BRINP3: variants seen among roughly 807,000 people sequenced by gnomAD.
BRINP3 encodes BMP/retinoic acid inducible neural specific 3.
A neutral mutation model predicts 71.0 loss-of-function variants in BRINP3; 19 were observed. That is an observed-to-expected ratio of 0.27 (90% CI 0.19 to 0.39). The LOEUF (loss-of-function observed/expected upper bound fraction) is 0.39, where lower values mean the gene tolerates loss of function less well. BRINP3 is among the 10% of genes least tolerant of loss of function. BRINP3 has a pLI of 1.00. For missense variants in BRINP3, 959 were observed against 940.8 expected, an observed-to-expected ratio of 1.02 and a Z score of -0.25; for synonymous variants, 380 against 337.7, an observed-to-expected ratio of 1.13 and a Z score of -1.37.
chr1:190,219,499 C>T (rs1247714654), intron 6 of BRINP3, among the ~76,000 whole-genome samples: 1 of 151,878 alleles, frequency 6.6e-6, no homozygotes, highest in Non-Finnish European at 1.5e-5. Context: ...GTAGAATGGA[C>T]CAAGCAGAGA....
chr1:190,228,058 A>G (rs1213646427), intron 5 of BRINP3, among the ~76,000 whole-genome samples: 1 of 151,976 alleles, frequency 6.6e-6, no homozygotes, highest in African/African-American at 2.4e-5. Context: ...GTAATAGAGG[A>G]ATAGTGAGAA....
intron 2 of BRINP3, among the ~76,000 whole-genome samples, chr1:190,449,046 C>T (rs934112036): frequency 6.6e-6 from 1 of 151,932 alleles, no homozygotes; most frequent in Non-Finnish European, 1.5e-5. Context: ...TTATTTATAT[C>T]ATCGGAGTTT....
At chr1:190,265,158 A>G in intron 3 of BRINP3, 103 bp from the exon 4 acceptor site, 1 of 1,060,576 alleles carries the variant, frequency 9.4e-7, no homozygotes, top group East Asian at 2.8e-5. Context: ...AGTAAAACAA[A>G]GGAGTGATAT....
In BRINP3 at chr1:190,098,147, G is replaced by C. The variant is rs370803965; in HGVS notation, c.2172C>G (p.Phe724Leu). The change falls in exon 8 of 8, where the codon TTC (phenylalanine) becomes TTG (leucine). Residue 724 changes from phenylalanine to leucine, a missense_variant. Physicochemically the swap from Phe to Leu is conservative, Grantham distance 22 (BLOSUM62 0). Transcript: ENST00000367462. ...TGAGTCTATGACGAAGCAAGCAAGA[G>C]AAAAGATCTAGACGACGCTGACCAG... ...SPPGQRRLDLFSCLLRHRLKL... is the reference protein window; with the variant it reads ...SPPGQRRLDLLSCLLRHRLKL... The C allele has an allele frequency of 4.6e-5, 74 of 1,614,148 alleles. No individual in the cohort carries two copies. Among genetic ancestry groups the C allele is most frequent in the Non-Finnish European group, 6.1e-5 (72 of 1,180,024 alleles).
At chr1:190,457,105 G>T (rs940238131) in intron 1 of BRINP3, among the ~76,000 whole-genome samples, 1 of 152,068 alleles carries the variant, frequency 6.6e-6, no homozygotes, top group Non-Finnish European at 1.5e-5. Context: ...AATATTCATA[G>T]TGGTTAAAAA....
chr1:190,437,475 C>T (rs1345087678), intron 2 of BRINP3, among the ~76,000 whole-genome samples: 1 of 151,706 alleles, frequency 6.6e-6, no homozygotes, highest in Non-Finnish European at 1.5e-5. Context: ...CTTATCTAAT[C>T]CTAATGAAGT....
At chr1:190,147,588 T>C (rs1278978067) in intron 7 of BRINP3, among the ~76,000 whole-genome samples, 1 of 152,214 alleles carries the variant, frequency 6.6e-6, no homozygotes, top group African/African-American at 2.4e-5. Context: ...TACCTTGCAA[T>C]TAGTGTTTTA....
chr1:190,166,675 A>G (rs952294517), intron 6 of BRINP3, among the ~76,000 whole-genome samples: 3 of 152,114 alleles, frequency 2.0e-5, no homozygotes, highest in African/African-American at 7.2e-5. Context: ...TTAGTTCCAT[A>G]TGGTGTTGTT....
intron 7 of BRINP3, among the ~76,000 whole-genome samples, chr1:190,160,031 G>A (rs543760797): frequency 2.2e-4 from 33 of 151,852 alleles, no homozygotes; most frequent in East Asian, 1.2e-3. Flanking sequence ...ATATTTTCCC[G>A]TAGCTTTTTG....
At chr1:190,263,628 C>T (rs1055290703) in intron 4 of BRINP3, among the ~76,000 whole-genome samples, 2 of 138,726 alleles carry the variant, frequency 1.4e-5, no homozygotes, top group Non-Finnish European at 3.0e-5. Flanking sequence ...CTCGCTCTGT[C>T]GCCCAGACTG....
chr1:190,337,829 C>T (rs1667390829), intron 2 of BRINP3, among the ~76,000 whole-genome samples: 1 of 152,076 alleles, frequency 6.6e-6, no homozygotes, highest in South Asian at 2.1e-4. Context: ...CTAATACAGA[C>T]ATGGACTTGG....
intron 7 of BRINP3, among the ~76,000 whole-genome samples, chr1:190,158,190 T>C (rs1202697124): frequency 5.9e-5 from 9 of 151,932 alleles, no homozygotes; most frequent in Non-Finnish European, 1.2e-4. Flanking sequence ...ATAAGTCTCA[T>C]GAGATTTGAT....
intron 2 of BRINP3, among the ~76,000 whole-genome samples, chr1:190,288,125 C>A (rs912490497): frequency 4.0e-5 from 6 of 151,878 alleles, no homozygotes; most frequent in African/African-American, 1.4e-4. Context: ...TTAAATTTTG[C>A]TTTCTAAAGT....
intron 2 of BRINP3, among the ~76,000 whole-genome samples, chr1:190,290,929 G>T (rs1221539764): frequency 6.6e-6 from 1 of 151,732 alleles, no homozygotes; most frequent in Non-Finnish European, 1.5e-5. Flanking sequence ...GTGTGTATTT[G>T]TGGGAAGCAT....
intron 6 of BRINP3, among the ~76,000 whole-genome samples, chr1:190,165,619 C>T (rs1458093586): frequency 2.0e-5 from 3 of 150,966 alleles, no homozygotes; most frequent in Admixed American, 1.3e-4. Context: ...TCTAATAAAG[C>T]TATTTCTTGT....
chr1:190,401,880 A>G (rs985753154), intron 2 of BRINP3, among the ~76,000 whole-genome samples: 9 of 152,074 alleles, frequency 5.9e-5, no homozygotes, highest in Non-Finnish European at 1.5e-5. Flanking sequence ...AAGTTACATT[A>G]CCCAACCATG....
intron 2 of BRINP3, among the ~76,000 whole-genome samples, chr1:190,365,627 T>A (rs983951009): frequency 2.7e-5 from 4 of 146,130 alleles, no homozygotes; most frequent in African/African-American, 7.4e-5. Flanking sequence ...TTAATATATT[T>A]TATAATTGTA....
At chr1:190,283,924 A>G (rs1183472488) in intron 2 of BRINP3, among the ~76,000 whole-genome samples, 1 of 151,740 alleles carries the variant, frequency 6.6e-6, no homozygotes, top group African/African-American at 2.4e-5. Flanking sequence ...TGTGACATGT[A>G]TTTTTCAGTG....
chr1:190,448,716 AT>A (rs1675403637), intron 2 of BRINP3, among the ~76,000 whole-genome samples: 1 of 151,838 alleles, frequency 6.6e-6, no homozygotes, highest in Non-Finnish European at 1.5e-5. Context: ...TTTAAGTCTG[AT>A]TATGATAATT....
Sources: allele counts gnomAD v4.1 joint callset (sites outside exome capture counted in the v4.1 genomes callset), GRCh38; gene constraint gnomAD v4.1.1; transcripts MANE v1.5; gene names NCBI Gene and HGNC (gene_info 2026-07-23, HGNC 2026-07-21).